Variants in BAZ1A observed in about 807,000 individuals in gnomAD.
BAZ1A encodes bromodomain adjacent to zinc finger domain 1A.
Under a neutral mutation model 185.2 loss-of-function variants are expected in BAZ1A, and 50 were observed. The observed-to-expected ratio is 0.27, with a 90% CI of 0.22 to 0.34. BAZ1A has a LOEUF of 0.34. Ranked by LOEUF, BAZ1A falls within the 10% of genes least tolerant of loss-of-function variation. BAZ1A has a pLI of 1.00. For missense variants in BAZ1A, 1,356 were observed against 1,839.9 expected (o/e 0.74, Z 4.81); for synonymous variants, 571 against 615.6 (o/e 0.93, Z 1.07).
chr14:34,808,345 A>C (rs548749657), intron 5 of BAZ1A, among the ~76,000 whole-genome samples: 1 of 151,820 alleles, frequency 6.6e-6, no homozygotes, highest in South Asian at 2.1e-4. Context: ...AATACAAAAA[A>C]AATTAGCTGG....
chr14:34,764,223 A>G (rs543056692), intron 23 of BAZ1A, among the ~76,000 whole-genome samples: 82 of 151,830 alleles, frequency 5.4e-4, no homozygotes, highest in African/African-American at 1.8e-3. Context: ...ATATTTTTGA[A>G]TGTTTATAAT....
chr14:34,817,029 T>C (rs1235214773), intron 4 of BAZ1A, among the ~76,000 whole-genome samples: 1 of 152,094 alleles, frequency 6.6e-6, no homozygotes, highest in African/African-American at 2.4e-5. Flanking sequence ...AAAAAAATTA[T>C]TGAAAGCAGA....
intron 3 of BAZ1A, among the ~76,000 whole-genome samples, chr14:34,853,889 A>T (rs1164503542): frequency 2.0e-5 from 3 of 152,204 alleles, no homozygotes; most frequent in African/African-American, 7.2e-5. Context: ...ATTCAACACA[A>T]GAATGGTCTC....
chr14:34,822,864 T>G lies in BAZ1A; in HGVS notation c.536+3149A>C, dbSNP rs144645554. 1.5e-3 allele frequency among the ~76,000 whole-genome samples: 233 copies of G among 152,312 alleles called. 1 individual carries two copies. Among genetic ancestry groups the G allele is most frequent in the East Asian group, 6.4e-3 (33 of 5,188 alleles). ...TTATAACAGGCAAAATATTTCCTAATTGAAATTTTGAATTAATGTGCTTTG... is the reference window on the plus strand; with the variant it reads ...TTATAACAGGCAAAATATTTCCTAAGTGAAATTTTGAATTAATGTGCTTTG... On this transcript the variant is annotated intron_variant, in intron 4 of 26. Transcript: ENST00000360310.
intron 14 of BAZ1A, 30 bp from the exon 15 acceptor site, chr14:34,783,957 T>G (rs571316014): frequency 1.3e-6 from 2 of 1,546,376 alleles, no homozygotes; most frequent in African/African-American, 2.8e-5. Context: ...ACTTCTGTAT[T>G]ATAAATCGCA....
chr14:34,825,447 CAAAAAAAAAAAAA>C lies in BAZ1A; in HGVS notation c.536+553_536+565del, dbSNP rs35449855. 1.9e-3 allele frequency among the ~76,000 whole-genome samples: 103 copies of C among 55,414 alleles called. 6 individuals are homozygous for C. Among genetic ancestry groups the C allele is most frequent in the Middle Eastern group, 0.018 (2 of 114 alleles). The allele number at this position is 55,414 out of a possible 152,430, so 36.4% of individuals were successfully genotyped here. On this transcript the variant is annotated intron_variant, in intron 4 of 26. Coordinates refer to ENST00000360310, the MANE Select transcript of BAZ1A (RefSeq NM_013448.3). ...GGGCAACAAGATGGAAACTCTGTCT[CAAAAAAAAAAAAA>C]AAAAAAAAAAAAAAAAGAGGGTGGG...
At chr14:34,828,225 G>A (rs1281528552) in intron 3 of BAZ1A, among the ~76,000 whole-genome samples, 4 of 149,714 alleles carry the variant, frequency 2.7e-5, no homozygotes, top group African/African-American at 9.8e-5. Flanking sequence ...CCCAGGAGGC[G>A]GAGGTTGCTG....
At position 34,792,875 on chromosome 14, in the gene BAZ1A, C is replaced by G. The variant is rs369293521; in HGVS notation, c.1410G>C (p.Leu470=). The G allele has an allele frequency of 8.7e-6, 14 of 1,613,688 alleles. No individual in the cohort carries two copies. Among genetic ancestry groups the G allele is most frequent in the Non-Finnish European group, 1.1e-5 (13 of 1,179,922 alleles). Residue 470 remains leucine, a synonymous_variant, in exon 12 of 27, where the codon CTG becomes CTC. Transcript: ENST00000360310. ...ALVGNDSEGP[L]CELLFFFLTA... The stretch of plus-strand genomic sequence containing the variant: ...TCAGGAAGAAAAAAAGCAATTCACA[C>G]AGTGGGCCTTCACTGTCATTTCCTA...
At position 34,753,406 on chromosome 14, in the gene BAZ1A, C is replaced by G. The variant is rs757306447; in HGVS notation, c.*102G>C. ...GAGAATATAGTGCAGGCCACACTTT[C>G]ATGTGGTCAATCAATTGTTATTGCT... On this transcript the variant is annotated 3_prime_UTR_variant, in exon 27 of 27. Coordinates refer to ENST00000360310, the MANE Select transcript of BAZ1A (RefSeq NM_013448.3). The G allele has an allele frequency of 4.3e-6, 5 of 1,151,486 alleles. No homozygotes were observed. The South Asian group carries it at 6.9e-5, about 16-fold the overall frequency. 71.3% of individuals were successfully genotyped at this position (1,151,486 alleles called of 1,614,324 possible).
Position 34,764,759 on chromosome 14 carries a change from C to T in BAZ1A, c.3724G>A (p.Glu1242Lys). 1.9e-6 allele frequency: 3 copies of T among 1,609,216 alleles called. No homozygotes were observed. In the South Asian group the frequency reaches 3.3e-5, roughly 18 times the overall value. The change falls in exon 23 of 27, where the codon GAG becomes AAG. Residue 1242 changes from glutamate (E) to lysine (K), a missense_variant. Coordinates refer to ENST00000360310, the MANE Select transcript of BAZ1A (RefSeq NM_013448.3). ...DEEEGQSEEEEYEVEQDEDDS... is the reference protein window; with the variant it reads ...DEEEGQSEEEKYEVEQDEDDS... ...TCTTCATCTTGTTCTACCTCATACT[C>T]TTCCTCCTCACTTTGACCTTCTTCT... is the stretch of plus-strand genomic sequence containing the variant.
At chr14:34,870,628 T>A (rs1042583322) in intron 2 of BAZ1A, among the ~76,000 whole-genome samples, 1 of 152,230 alleles carries the variant, frequency 6.6e-6, no homozygotes, top group Non-Finnish European at 1.5e-5. Context: ...GCAGCCAGTT[T>A]AAATTCCAGG....
At chr14:34,863,842 T>C (rs2042810774) in intron 2 of BAZ1A, among the ~76,000 whole-genome samples, 1 of 87,402 alleles carries the variant, frequency 1.1e-5, no homozygotes. Flanking sequence ...AATTCTATAT[T>C]GTTTGAATTT....
intron 3 of BAZ1A, among the ~76,000 whole-genome samples, chr14:34,848,962 C>T (rs2042556991): frequency 1.3e-5 from 2 of 152,160 alleles, no homozygotes; most frequent in African/African-American, 2.4e-5. Flanking sequence ...TACAAGTAAG[C>T]TTTTTAGGAA....
intron 4 of BAZ1A, among the ~76,000 whole-genome samples, chr14:34,821,866 C>T (rs1281378924): frequency 6.6e-6 from 1 of 152,012 alleles, no homozygotes; most frequent in Non-Finnish European, 1.5e-5. Flanking sequence ...TGCCTGTAAT[C>T]CCAGCTACTC....
chr14:34,842,243 A>G (rs2042426304), intron 3 of BAZ1A, among the ~76,000 whole-genome samples: 1 of 152,216 alleles, frequency 6.6e-6, no homozygotes, highest in African/African-American at 2.4e-5. Flanking sequence ...TGCATTTTTC[A>G]TCCCTGGAAA....
At chr14:34,870,602 C>G (rs892413597) in intron 2 of BAZ1A, among the ~76,000 whole-genome samples, 3 of 152,192 alleles carry the variant, frequency 2.0e-5, no homozygotes, top group Non-Finnish European at 2.9e-5. Context: ...AGAGTGGTAT[C>G]TACACAAAGA....
intron 3 of BAZ1A, among the ~76,000 whole-genome samples, chr14:34,855,906 AAAAT>A (rs975972336): frequency 5.3e-5 from 8 of 152,232 alleles, no homozygotes; most frequent in East Asian, 1.9e-4. Context: ...ACTATCTCAA[AAAAT>A]AAATAAATAA....
At position 34,817,873 on chromosome 14, in the gene BAZ1A, C is replaced by T. The variant is rs546147616; in HGVS notation, c.537-6837G>A. On this transcript the variant is annotated intron_variant, in intron 4 of 26. Coordinates refer to ENST00000360310, the MANE Select transcript of BAZ1A (RefSeq NM_013448.3). ...GCCAAGTGTATGGTGAAACTGGAAC[C>T]CTCTGATACTGCAGGTGAGAATGTA... Among the ~76,000 whole-genome samples the T allele has an allele frequency of 2.6e-5, 4 of 152,220 alleles. No homozygotes were observed. The South Asian group carries it at 8.3e-4, about 32-fold the overall frequency.
At chr14:34,833,113 A>C (rs2042275217) in intron 3 of BAZ1A, among the ~76,000 whole-genome samples, 1 of 152,114 alleles carries the variant, frequency 6.6e-6, no homozygotes, top group South Asian at 2.1e-4. Context: ...GTGGTGGTGC[A>C]CATCAGTGGT....
Sources: gnomAD v4.1 joint callset for allele counts (sites outside exome capture counted in the v4.1 genomes callset) on GRCh38, gnomAD v4.1.1 for gene constraint, MANE v1.5 for transcripts, NCBI Gene and HGNC (gene_info 2026-07-23, HGNC 2026-07-21) for gene names.